The following ARMC3 variants were observed in gnomAD, a reference collection of about 807,000 sequenced individuals.
ARMC3 encodes the protein armadillo repeat-containing protein 3.
ARMC3 carries 74 observed loss-of-function variants against 90.3 expected under a neutral mutation model. That is an observed-to-expected ratio of 0.82 (90% CI 0.68 to 0.99). The LOEUF (loss-of-function observed/expected upper bound fraction) is 0.99, where lower values mean the gene tolerates loss of function less well. Among genes scored for constraint, ARMC3 ranks in the 50% least tolerant of loss-of-function variants. ARMC3 has a pLI of 0.00. For synonymous variants in ARMC3, 334 were observed against 361.8 expected, an observed-to-expected ratio of 0.92 and a Z score of 0.87; for missense variants, 958 against 1,042.8, an observed-to-expected ratio of 0.92 and a Z score of 1.12.
Position 23,003,217 on chromosome 10 carries a change from C to A in ARMC3, c.1563-29C>A, listed in dbSNP as rs1046603996. 8 of 1,596,642 alleles carry A rather than the reference C, an allele frequency of 5.0e-6. No individual in the cohort carries two copies. The African/African-American group carries it at 5.4e-5, about 11-fold the overall frequency. On this transcript the variant is annotated intron_variant, in intron 12 of 18. Transcript: ENST00000298032. ...TCAGTATTGGATGGCTTGTATAAAG[C>A]AAATAATGCTTTTTGCTTTTATTGA...
At chr10:23,014,299 A>G in intron 16 of ARMC3, 1 of 1,442,756 alleles carries the variant, frequency 6.9e-7, no homozygotes, top group Non-Finnish European at 9.1e-7. Flanking sequence ...ACCATCACCT[A>G]GCACACTTAG....
intron 2 of ARMC3, 144 bp from the exon 3 acceptor site, chr10:22,946,000 G>T: frequency 2.0e-6 from 1 of 507,534 alleles, no homozygotes. Context: ...TATTTTTAAT[G>T]AAAAACTTTG....
At chr10:22,975,202 A>G in intron 8 of ARMC3, among the ~76,000 whole-genome samples, 1 of 152,236 alleles carries the variant, frequency 6.6e-6, no homozygotes, top group East Asian at 1.9e-4. Context: ...GCCTTCAAAC[A>G]TATATGACAA....
chr10:22,930,686 T>C (rs1833894118), intron 1 of ARMC3, among the ~76,000 whole-genome samples: 1 of 152,198 alleles, frequency 6.6e-6, no homozygotes, highest in South Asian at 2.1e-4. Flanking sequence ...GGAGTTGCTT[T>C]TGACCCTTGA....
chr10:22,949,637 T>C (rs1249527928), intron 3 of ARMC3, among the ~76,000 whole-genome samples: 3 of 152,138 alleles, frequency 2.0e-5, no homozygotes, highest in African/African-American at 4.8e-5. Flanking sequence ...AAGTGTCCAA[T>C]ATATGTGTAA....
Position 22,998,216 on chromosome 10 carries a change from T to C in ARMC3, c.1244T>C (p.Ile415Thr), listed in dbSNP as rs781499555. The change falls in exon 11 of 19, where the codon ATT (isoleucine) becomes ACT (threonine). Residue 415 changes from isoleucine to threonine, a missense_variant. Coordinates refer to ENST00000298032, the MANE Select transcript of ARMC3 (RefSeq NM_173081.5). Reference protein sequence around the residue: ...NLLSSKRDGAIANAATVLTNM... With the variant: ...NLLSSKRDGATANAATVLTNM... ...CTGTCTAGTAAACGAGATGGAGCCA[T>C]TGCCAACGCTGCTACAGTATTAACA... 2.5e-6 allele frequency: 4 copies of C among 1,613,464 alleles called. No individual in the cohort carries two copies. Among genetic ancestry groups the C allele is most frequent in the Admixed American group, 1.7e-5 (1 of 59,972 alleles).
Position 22,998,394 on chromosome 10 carries a change from T to G in ARMC3, c.1422T>G (p.Thr474=), listed in dbSNP as rs1271373679. 1.2e-6 allele frequency: 2 copies of G among 1,613,852 alleles called. No individual in the cohort carries two copies. The highest frequency in any genetic ancestry group is 4.5e-5 in the East Asian group (2 of 44,878). The change falls in exon 11 of 19, where the codon ACT becomes ACG. Residue 474 remains threonine, a synonymous_variant. Transcript: ENST00000298032. ...CTGCGTGTGACGTTGAAGCCCGGAC[T>G]GAGGTGAGAATTTTAATAACATGTG... ...TATACDVEAR[T]ELRNSGGLEP... is the part of the protein sequence containing the mutation.
chr10:22,967,594 G>T (rs1835496365), intron 7 of ARMC3, among the ~76,000 whole-genome samples: 1 of 152,146 alleles, frequency 6.6e-6, no homozygotes, highest in African/African-American at 2.4e-5. Context: ...CAGCATTCTG[G>T]ACAACCTTGC....
At chr10:22,945,140 T>C (rs1368902059) in intron 2 of ARMC3, among the ~76,000 whole-genome samples, 2 of 152,252 alleles carry the variant, frequency 1.3e-5, no homozygotes, top group Non-Finnish European at 2.9e-5. Context: ...CTTTCTTCTT[T>C]ACTCTTCCAA....
In ARMC3 at chr10:22,959,394, C is replaced by T. The variant is rs373113190; in HGVS notation, c.362-5C>T. Reference sequence around the variant, plus strand: ...ATACTTGTGTTATTTATTTTTGATACACAGAAGAAGTAGTTATCCATGAGT... The same window carrying T: ...ATACTTGTGTTATTTATTTTTGATATACAGAAGAAGTAGTTATCCATGAGT... On this transcript the variant is annotated splice_region_variant and splice_polypyrimidine_tract_variant and intron_variant, in intron 5 of 18. Transcript: ENST00000298032. 178 of 1,593,972 alleles carry T rather than the reference C, an allele frequency of 1.1e-4. No individual in the cohort carries two copies. The highest frequency in any genetic ancestry group is 1.4e-4 in the Non-Finnish European group (168 of 1,172,870).
chr10:22,979,559 A>G (rs1836095289), intron 8 of ARMC3, among the ~76,000 whole-genome samples: 1 of 152,146 alleles, frequency 6.6e-6, no homozygotes, highest in African/African-American at 2.4e-5. Context: ...ATTTTGGCCA[A>G]TTTTCCTGAT....
At chr10:22,946,080 T>C in intron 2 of ARMC3, 64 bp from the exon 3 acceptor site, 1 of 1,193,070 alleles carries the variant, frequency 8.4e-7, no homozygotes, top group Non-Finnish European at 1.2e-6. Context: ...TTAAGACCCA[T>C]TCATTTTTAA....
chr10:22,945,942 A>G (rs577040167), intron 2 of ARMC3, among the ~76,000 whole-genome samples: 2 of 152,340 alleles, frequency 1.3e-5, no homozygotes, highest in South Asian at 4.1e-4. Context: ...TCTTCCCACC[A>G]TACCCCAGGC....
intron 2 of ARMC3, among the ~76,000 whole-genome samples, chr10:22,938,363 G>T (rs751241403): frequency 6.6e-6 from 1 of 152,126 alleles, no homozygotes; most frequent in Non-Finnish European, 1.5e-5. Context: ...TAAGCAAGTT[G>T]GATTTTTCCC....
intron 1 of ARMC3, among the ~76,000 whole-genome samples, chr10:22,930,203 C>G (rs1031712248): frequency 4.0e-5 from 6 of 151,704 alleles, no homozygotes; most frequent in Non-Finnish European, 8.8e-5. Context: ...GCCTCTCTGC[C>G]TGAAATATTA....
At chr10:23,037,229 T>C (rs375993805) in intron 18 of ARMC3, 41 bp from the exon 19 acceptor site, 149 of 1,505,248 alleles carry the variant, frequency 9.9e-5, no homozygotes, top group Middle Eastern at 4.7e-4. Flanking sequence ...CCCACCCCTC[T>C]CCCGCACCAC....
At chr10:22,976,090 G>C (rs1835908899) in intron 8 of ARMC3, among the ~76,000 whole-genome samples, 1 of 152,210 alleles carries the variant, frequency 6.6e-6, no homozygotes, top group South Asian at 2.1e-4. Flanking sequence ...TGCAACGCCA[G>C]AGTTCGATTC....
intron 16 of ARMC3, among the ~76,000 whole-genome samples, chr10:23,019,933 C>T (rs537246831): frequency 6.6e-6 from 1 of 152,256 alleles, no homozygotes; most frequent in Non-Finnish European, 1.5e-5. Flanking sequence ...CAGTGTAATG[C>T]CTTTGAGATT....
chr10:22,946,358 C>T (rs1195882294), intron 3 of ARMC3, 97 bp downstream of exon 3: 2 of 744,758 alleles, frequency 2.7e-6, no homozygotes, highest in East Asian at 2.6e-5. Flanking sequence ...AACTTACTTG[C>T]TGTCGGATGA....
Sources: gnomAD v4.1 joint callset for allele counts (sites outside exome capture counted in the v4.1 genomes callset) on GRCh38, gnomAD v4.1.1 for gene constraint, MANE v1.5 for transcripts, NCBI Gene and HGNC (gene_info 2026-07-23, HGNC 2026-07-21) for gene names.